Variants in ROBO1 observed in about 807,000 individuals in gnomAD.
The protein encoded by ROBO1 is roundabout homolog 1.
Under a neutral mutation model 195.9 loss-of-function variants are expected in ROBO1, and 149 were observed. The ratio of observed to expected loss-of-function variants is 0.76; its 90% CI spans 0.67 to 0.87. The LOEUF (loss-of-function observed/expected upper bound fraction) is 0.87. Among genes scored for constraint, ROBO1 ranks in the 40% least tolerant of loss-of-function variants. ROBO1 has a pLI of 0.00. For synonymous variants in ROBO1, 816 were observed against 733.2 expected, an observed-to-expected ratio of 1.11 and a Z score of -1.82; for missense variants, 1,933 against 2,068.3, an observed-to-expected ratio of 0.93 and a Z score of 1.27.
At chr3:79,540,237 A>C (rs777083914) in intron 2 of ROBO1, among the ~76,000 whole-genome samples, 1 of 152,096 alleles carries the variant, frequency 6.6e-6, no homozygotes, top group Non-Finnish European at 1.5e-5. Flanking sequence ...AGTACTCGGC[A>C]AAAAATATGA....
intron 2 of ROBO1, among the ~76,000 whole-genome samples, chr3:79,208,869 T>C (rs574970013): frequency 6.6e-6 from 1 of 152,138 alleles, no homozygotes; most frequent in South Asian, 2.1e-4. Context: ...ATTTCTGCCA[T>C]ACTCGGAGGG....
intron 3 of ROBO1, among the ~76,000 whole-genome samples, chr3:79,067,551 T>A (rs1168721059): frequency 6.6e-6 from 1 of 151,964 alleles, no homozygotes; most frequent in Non-Finnish European, 1.5e-5. Context: ...GAATCTCAGG[T>A]CACTTTCTGC....
chr3:78,695,720 G>A (rs1052750627), intron 8 of ROBO1, among the ~76,000 whole-genome samples: 14 of 151,572 alleles, frequency 9.2e-5, no homozygotes, highest in Non-Finnish European at 2.1e-4. Flanking sequence ...TAACATGGAA[G>A]CTTCTAAAAC....
chr3:78,674,215 A>G (rs1394327533), intron 10 of ROBO1, among the ~76,000 whole-genome samples: 1 of 152,256 alleles, frequency 6.6e-6, no homozygotes, highest in Non-Finnish European at 1.5e-5. Context: ...TTTCTAAGTC[A>G]AATGCTATTA....
chr3:78,661,035 T>C lies in ROBO1; in HGVS notation c.2315A>G (p.Glu772Gly). ...DSEIKFAKTL[E>G]EAPSAPPQGV... ...AAACGCTTCATCATACTTGCCTTCT[T>C]CCAGGGTTTTGGCAAACTTGATTTC... Residue 772 changes from glutamate (E) to glycine (G), a missense_variant, in exon 16 of 31, where the codon GAA becomes GGA. This residue lies in a region of ROBO1 where 1,737 missense variants were observed against 1,882.5 expected (regional missense o/e 0.92). Coordinates refer to ENST00000464233, the MANE Select transcript of ROBO1 (RefSeq NM_002941.4). 6.2e-7 allele frequency: 1 copy of C among 1,610,492 alleles called. No homozygotes were observed. The highest frequency in any genetic ancestry group is 8.5e-7 in the Non-Finnish European group (1 of 1,177,574).
intron 1 of ROBO1, among the ~76,000 whole-genome samples, chr3:79,629,716 A>G (rs1321897746): frequency 6.6e-5 from 10 of 152,094 alleles, no homozygotes; most frequent in Admixed American, 5.9e-4. Flanking sequence ...TTCATTTGAA[A>G]GTATAAACAA....
At chr3:79,173,647 G>A (rs1269891102) in intron 2 of ROBO1, among the ~76,000 whole-genome samples, 1 of 152,094 alleles carries the variant, frequency 6.6e-6, no homozygotes, top group Non-Finnish European at 1.5e-5. Context: ...TCCCGGATGA[G>A]CACGGCCCCC....
chr3:79,337,399 G>A (rs1398298314), intron 2 of ROBO1, among the ~76,000 whole-genome samples: 3 of 152,130 alleles, frequency 2.0e-5, no homozygotes, highest in Non-Finnish European at 4.4e-5. Context: ...ATGGTAGTGA[G>A]TGAGGTCTCA....
At chr3:78,839,623 C>T (rs1452338578) in intron 4 of ROBO1, among the ~76,000 whole-genome samples, 1 of 152,014 alleles carries the variant, frequency 6.6e-6, no homozygotes, top group African/African-American at 2.4e-5. Context: ...TCATTAGTAA[C>T]AAATCCATGT....
At chr3:79,616,588 G>T (rs1944827891) in intron 1 of ROBO1, among the ~76,000 whole-genome samples, 1 of 152,040 alleles carries the variant, frequency 6.6e-6, no homozygotes, top group African/African-American at 2.4e-5. Flanking sequence ...GTGACTGTGT[G>T]CTTCCATTCA....
intron 3 of ROBO1, among the ~76,000 whole-genome samples, chr3:78,993,041 T>G (rs2077274619): frequency 1.3e-5 from 2 of 151,836 alleles, no homozygotes; most frequent in South Asian, 4.1e-4. Flanking sequence ...TGAGCCAGAC[T>G]TTCTCAATTC....
intron 2 of ROBO1, among the ~76,000 whole-genome samples, chr3:79,271,676 G>C (rs999592221): frequency 6.6e-6 from 1 of 151,656 alleles, no homozygotes; most frequent in African/African-American, 2.4e-5. Context: ...TGAGATAATG[G>C]TATATGTATG....
chr3:79,534,148 C>CAAAAAAAAA (rs5850434), intron 2 of ROBO1, among the ~76,000 whole-genome samples: 25 of 59,968 alleles, frequency 4.2e-4, no homozygotes, highest in African/African-American at 1.6e-3. Flanking sequence ...CTGGGGAAGG[C>CAAAAAAAAA]AAAAAAAAAA....
At chr3:79,715,229 G>A (rs893098560) in intron 1 of ROBO1, among the ~76,000 whole-genome samples, 15 of 152,186 alleles carry the variant, frequency 9.9e-5, no homozygotes, top group African/African-American at 3.4e-4. Flanking sequence ...GGTTTGAGAG[G>A]ATTGAACTCA....
chr3:78,943,255 T>C (rs2040239318), intron 3 of ROBO1, among the ~76,000 whole-genome samples: 1 of 152,110 alleles, frequency 6.6e-6, no homozygotes, highest in African/African-American at 2.4e-5. Flanking sequence ...TTTTGTTTTG[T>C]TTTTAAGTCT....
chr3:79,381,373 AAAAAG>A (rs66481962), intron 2 of ROBO1, among the ~76,000 whole-genome samples: 9 of 115,444 alleles, frequency 7.8e-5, no homozygotes, highest in South Asian at 2.6e-4. Flanking sequence ...AAAAAAAAAA[AAAAAG>A]AAAAGAAAAG....
chr3:78,877,960 A>G (rs1302921890), intron 4 of ROBO1, among the ~76,000 whole-genome samples: 2 of 152,170 alleles, frequency 1.3e-5, no homozygotes, highest in Admixed American at 6.5e-5. Context: ...TATAGCATAT[A>G]TTTGTGCAGG....
intron 2 of ROBO1, among the ~76,000 whole-genome samples, chr3:79,183,661 G>A (rs77619812): frequency 0.088 from 13,402 of 152,184 alleles, 1,015 homozygotes; most frequent in African/African-American, 0.2. Flanking sequence ...ACAAAGATAG[G>A]ACAAGAAAGG....
At chr3:79,018,580 A>G (rs2078016298) in intron 3 of ROBO1, 4 of 1,508,580 alleles carry the variant, frequency 2.7e-6, no homozygotes, top group African/African-American at 2.8e-5. Context: ...ACGTGGGTCA[A>G]TTAGCCAAGA....
Sources: allele counts gnomAD v4.1 joint callset (sites outside exome capture counted in the v4.1 genomes callset), GRCh38; gene constraint gnomAD v4.1.1; regional missense constraint gnomAD v4.1.1; transcripts MANE v1.5; gene names NCBI Gene and HGNC (gene_info 2026-07-23, HGNC 2026-07-21).